The following MKLN1 variants were observed in gnomAD, a reference collection of about 807,000 sequenced individuals.
MKLN1 encodes muskelin.
Under a neutral mutation model 99.0 loss-of-function variants are expected in MKLN1, and 18 were observed. That is an observed-to-expected ratio of 0.18 (90% confidence interval 0.13 to 0.27). The LOEUF is 0.27. Ranked by LOEUF, MKLN1 falls within the 10% of genes least tolerant of loss-of-function variation. The pLI, the probability that MKLN1 is intolerant of heterozygous loss-of-function variation, is 1.00. For synonymous variants in MKLN1, 288 were observed against 293.2 expected, an observed-to-expected ratio of 0.98 and a Z score of 0.18; for missense variants, 621 against 875.9, an observed-to-expected ratio of 0.71 and a Z score of 3.67.
rs150289705 is a variant in MKLN1, at chr7:131,146,983, C to T, written c.-297+4042C>T. Among the ~76,000 whole-genome samples, 987 of 152,148 alleles carry T rather than the reference C, an allele frequency of 6.5e-3. 5 individuals are homozygous for T. The highest frequency in any genetic ancestry group is 0.023 in the African/African-American group (943 of 41,510). ...TTTTAAGTATGATGGAAGCAAAGAACAGAAAGGAAATGATTCTGCTAGGTT... is the reference window on the plus strand; with the variant it reads ...TTTTAAGTATGATGGAAGCAAAGAATAGAAAGGAAATGATTCTGCTAGGTT... On this transcript the variant is annotated intron_variant, in intron 2 of 7. Coordinates refer to the MKLN1 transcript ENST00000416992.
chr7:131,400,013 G>T (rs1254406457), intron 6 of MKLN1, among the ~76,000 whole-genome samples: 2 of 151,556 alleles, frequency 1.3e-5, no homozygotes, highest in African/African-American at 4.8e-5. Context: ...GATGTGTTTT[G>T]TTATTTAAAC....
chr7:131,192,120 CGT>C (rs1796559539), intron 2 of MKLN1, among the ~76,000 whole-genome samples: 3 of 72,920 alleles, frequency 4.1e-5, no homozygotes, highest in Non-Finnish European at 7.4e-5. Context: ...TATATATATA[CGT>C]ATATATATAA....
intron 4 of MKLN1, among the ~76,000 whole-genome samples, chr7:131,396,528 A>G (rs1029623395): frequency 4.6e-5 from 7 of 152,066 alleles, no homozygotes; most frequent in Non-Finnish European, 4.4e-5. Context: ...CTTGAGTGGG[A>G]ATATTTAGTA....
intron 10 of MKLN1, among the ~76,000 whole-genome samples, chr7:131,439,476 AT>A (rs1021228512): frequency 1.4e-4 from 22 of 152,186 alleles, no homozygotes; most frequent in Admixed American, 5.9e-4. Context: ...AGAAACAAGG[AT>A]TTCAGTACTA....
At chr7:131,471,895 A>G (rs1796829987) in intron 16 of MKLN1, 1 of 152,246 alleles carries the variant, frequency 6.6e-6, no homozygotes, top group Non-Finnish European at 1.5e-5. Context: ...GCATGTCTTC[A>G]GCACCATAAC....
chr7:131,234,649 C>G (rs970687154), intron 3 of MKLN1, among the ~76,000 whole-genome samples: 7 of 152,168 alleles, frequency 4.6e-5, no homozygotes, highest in African/African-American at 1.7e-4. Context: ...CATTTTAACT[C>G]TCCAGCTCTT....
intron 2 of MKLN1, among the ~76,000 whole-genome samples, chr7:131,149,117 C>T (rs1795854613): frequency 6.6e-6 from 1 of 152,076 alleles, no homozygotes; most frequent in Non-Finnish European, 1.5e-5. Context: ...TGGTTTTTGG[C>T]ATTTTGTTTT....
At chr7:131,422,938 T>G (rs1179024455) in intron 8 of MKLN1, among the ~76,000 whole-genome samples, 1 of 152,234 alleles carries the variant, frequency 6.6e-6, no homozygotes, top group East Asian at 1.9e-4. Flanking sequence ...TTATTAATTG[T>G]AATCCCTATA....
intron 3 of MKLN1, among the ~76,000 whole-genome samples, chr7:131,205,592 A>G (rs191293258): frequency 2.3e-4 from 35 of 152,212 alleles, no homozygotes; most frequent in African/African-American, 6.5e-4. Context: ...TAGGGTCCCA[A>G]TGAGTCAGAA....
chr7:131,467,838 G>A (rs937853117), intron 15 of MKLN1, among the ~76,000 whole-genome samples: 3 of 152,322 alleles, frequency 2.0e-5, no homozygotes, highest in Middle Eastern at 3.4e-3. Flanking sequence ...TTTCCCTCAG[G>A]TGGGGAATTC....
chr7:131,270,356 G>A (rs1203485261), intron 3 of MKLN1, among the ~76,000 whole-genome samples: 1 of 152,184 alleles, frequency 6.6e-6, no homozygotes, highest in Non-Finnish European at 1.5e-5. Flanking sequence ...CCAAGTAGCT[G>A]GGATTACAGA....
chr7:131,302,421 C>T (rs1200748299), intron 3 of MKLN1, among the ~76,000 whole-genome samples: 1 of 152,214 alleles, frequency 6.6e-6, no homozygotes, highest in African/African-American at 2.4e-5. Flanking sequence ...TGTGGAAGAT[C>T]TTGACTTAAC....
intron 8 of MKLN1, among the ~76,000 whole-genome samples, chr7:131,425,267 CT>C (rs1193553544): frequency 6.6e-6 from 1 of 151,106 alleles, no homozygotes; most frequent in African/African-American, 2.4e-5. Context: ...TTTTGCTATT[CT>C]TTTTACTCTG....
chr7:131,377,547 T>A (rs1793701606), intron 2 of MKLN1, among the ~76,000 whole-genome samples: 2 of 152,184 alleles, frequency 1.3e-5, no homozygotes, highest in South Asian at 4.1e-4. Flanking sequence ...TGTTTTTCAT[T>A]TGATTATTTT....
intron 2 of MKLN1, among the ~76,000 whole-genome samples, chr7:131,383,254 G>A (rs1793906317): frequency 6.6e-6 from 1 of 152,142 alleles, no homozygotes; most frequent in South Asian, 2.1e-4. Context: ...TACCTCATGA[G>A]TCTTGGTTGG....
rs151185150 is a variant in MKLN1 at position 131,154,117 on chromosome 7, C to T, written c.-297+11176C>T. Among the ~76,000 whole-genome samples the T allele has an allele frequency of 1.1e-4, 16 of 152,176 alleles. 1 individual carries two copies. The highest frequency in any genetic ancestry group is 3.4e-3 in the Middle Eastern group (1 of 294). On this transcript the variant is annotated intron_variant, in intron 2 of 7. Coordinates refer to the MKLN1 transcript ENST00000416992. ...ACATACACGCATATATGCATGCATACACACACATATGTAAATACATTTGCT... is the reference window on the plus strand; with the variant it reads ...ACATACACGCATATATGCATGCATATACACACATATGTAAATACATTTGCT...
Position 131,395,719 on chromosome 7 carries a change from T to TA in MKLN1, c.401-1538dup, listed in dbSNP as rs941335193. Among the ~76,000 whole-genome samples the TA allele has an allele frequency of 1.7e-3, 252 of 147,534 alleles. 2 individuals carry two copies. Among genetic ancestry groups the TA allele is most frequent in the African/African-American group, 5.4e-3 (216 of 40,196 alleles). On this transcript the variant is annotated intron_variant, in intron 4 of 17. Coordinates refer to ENST00000352689, the MANE Select transcript of MKLN1 (RefSeq NM_013255.5). ...TTTGAAAAATAACTAGTGTTGTTAT[T>TA]AAAAAAAAAAGTAGTTTTGACTACG...
intron 16 of MKLN1, among the ~76,000 whole-genome samples, chr7:131,477,860 A>T (rs899234416): frequency 6.6e-6 from 1 of 152,210 alleles, no homozygotes; most frequent in Non-Finnish European, 1.5e-5. Flanking sequence ...GCTCTAATTC[A>T]TTCCTTTAAC....
chr7:131,237,035 T>C (rs1225227206), intron 3 of MKLN1, among the ~76,000 whole-genome samples: 2 of 152,102 alleles, frequency 1.3e-5, no homozygotes, highest in African/African-American at 4.8e-5. Context: ...CACAGTCTGG[T>C]TCCCCCCAAG....
Sources: allele counts gnomAD v4.1 joint callset (sites outside exome capture counted in the v4.1 genomes callset), GRCh38; gene constraint gnomAD v4.1.1; transcripts MANE v1.5; gene names NCBI Gene and HGNC (gene_info 2026-07-23, HGNC 2026-07-21).